Variants in CACNA1H observed in about 807,000 individuals in gnomAD.
The protein encoded by CACNA1H is calcium voltage-gated channel subunit alpha1 H.
A neutral mutation model predicts 192.5 loss-of-function variants in CACNA1H; 149 were observed. The ratio of observed to expected loss-of-function variants is 0.77; its 90% CI spans 0.68 to 0.89. The LOEUF is 0.89. CACNA1H is among the 40% of genes least tolerant of loss of function. CACNA1H has a pLI of 0.00. For synonymous variants in CACNA1H, 2,202 were observed against 1,475.2 expected, an observed-to-expected ratio of 1.49 and a Z score of -11.29; for missense variants, 4,257 against 3,423.5, an observed-to-expected ratio of 1.24 and a Z score of -6.08.
At chr16:1,155,679 G>C (rs191108910) in intron 2 of CACNA1H, among the ~76,000 whole-genome samples, 3 of 152,284 alleles carry the variant, frequency 2.0e-5, no homozygotes, top group Admixed American at 1.3e-4. Flanking sequence ...ACAGCCCCGG[G>C]CCTGGCTGTC....
At chr16:1,155,298 C>CCT (rs2151614626) in intron 2 of CACNA1H, among the ~76,000 whole-genome samples, 1 of 152,342 alleles carries the variant, frequency 6.6e-6, no homozygotes, top group African/African-American at 2.4e-5. Flanking sequence ...GCGGCCTAGG[C>CCT]CTCTGTAGCC....
chr16:1,172,001 G>A (rs1482776553), intron 2 of CACNA1H, among the ~76,000 whole-genome samples: 1 of 152,208 alleles, frequency 6.6e-6, no homozygotes, highest in Admixed American at 6.5e-5. Flanking sequence ...TGGGCCCCCC[G>A]CCAGGTGCTG....
At position 1,220,419 on chromosome 16, in the gene CACNA1H, G is replaced by C; in HGVS notation, c.6487G>C (p.Gly2163Arg). 2 of 1,530,320 alleles carry C rather than the reference G, an allele frequency of 1.3e-6. No homozygotes were observed. The highest frequency in any genetic ancestry group is 1.7e-6 in the Non-Finnish European group (2 of 1,147,818). The allele number at this position is 1,530,320 out of a possible 1,614,324, so 94.8% of individuals were successfully genotyped here. The change falls in exon 35 of 35, where the codon GGG (glycine) becomes CGG (arginine). Residue 2163 changes from glycine to arginine, a missense_variant. Physicochemically the swap from Gly to Arg is moderately radical, Grantham distance 125. Coordinates refer to ENST00000348261, the MANE Select transcript of CACNA1H (RefSeq NM_021098.3). ...GCGGCCCTCGGCGGAGCTGGGCAGC[G>C]GGGAGCCTGGGGAGGCGAAGGCCTG... ...QWRPSAELGS[G>R]EPGEAKAWGP...
At chr16:1,162,542 C>T (rs970941326) in intron 2 of CACNA1H, among the ~76,000 whole-genome samples, 1 of 151,746 alleles carries the variant, frequency 6.6e-6, no homozygotes, top group Non-Finnish European at 1.5e-5. Flanking sequence ...GTGGGTCATT[C>T]GGAGCCTCGG....
rs760673572 is a variant in CACNA1H, at chr16:1,213,877, C to G, written c.4875C>G (p.Phe1625Leu). 1 of 1,611,502 alleles carries G rather than the reference C, an allele frequency of 6.2e-7. No homozygotes were observed. The highest frequency in any genetic ancestry group is 2.2e-5 in the East Asian group (1 of 44,796). ...TSHYLDLFIT[F>L]IICVNVITMS... ...ACTATCTCGACCTCTTCATCACCTT[C>G]ATCATCTGTGTCAACGTCATCACCA... Residue 1625 changes from phenylalanine to leucine, a missense_variant, in exon 27 of 35, where the codon TTC becomes TTG. Transcript: ENST00000348261.
chr16:1,189,375 G>A (rs1267325638), intron 2 of CACNA1H, among the ~76,000 whole-genome samples: 2 of 146,342 alleles, frequency 1.4e-5, no homozygotes, highest in Non-Finnish European at 3.0e-5. Flanking sequence ...TGCTGGACCT[G>A]GCAGGTGCCC....
Position 1,211,184 on chromosome 16 carries a change from C to G in CACNA1H, c.4240C>G (p.Pro1414Ala), listed in dbSNP as rs765901364. The change falls in exon 22 of 35, where the codon CCG (proline) becomes GCG (alanine). Residue 1414 changes from proline (P) to alanine (A), a missense_variant. Transcript: ENST00000348261. ...CCCCTCCAGGGTCATCAGCCGGGCC[C>G]CGGGCCTCAAGCTGGTGGTGGAGAC... ...LRPLRVISRA[P>A]GLKLVVETLI... 3 of 1,612,924 alleles carry G rather than the reference C, an allele frequency of 1.9e-6. No homozygotes were observed. Among genetic ancestry groups the G allele is most frequent in the South Asian group, 1.1e-5 (1 of 91,086 alleles).
chr16:1,214,041 T>C, intron 27 of CACNA1H, 110 bp downstream of exon 27: 1 of 913,342 alleles, frequency 1.1e-6, no homozygotes. Flanking sequence ...CTCGCTGGGG[T>C]TTGCGTGGGG....
At chr16:1,207,496 A>G in intron 14 of CACNA1H, 66 bp downstream of exon 14, 3 of 1,486,964 alleles carry the variant, frequency 2.0e-6, no homozygotes, top group Non-Finnish European at 1.8e-6. Flanking sequence ...CTTCAGGTCG[A>G]GGGGAGGGGT....
chr16:1,217,868 C>T, intron 31 of CACNA1H, 51 bp from the exon 32 acceptor site: 1 of 1,542,072 alleles, frequency 6.5e-7, no homozygotes. Context: ...GCATGTCCCG[C>T]CTCCACCCGG....
At position 1,156,714 on chromosome 16, in the gene CACNA1H, A is replaced by G. The variant is rs944568986; in HGVS notation, c.299+2678A>G. On this transcript the variant is annotated intron_variant, in intron 2 of 34. Coordinates refer to ENST00000348261, the MANE Select transcript of CACNA1H (RefSeq NM_021098.3). ...AACCCACACTCAGTAAAGTGACTCCATGCTCCCGGGGGTTGGCAGAGCCCC... is the reference window on the plus strand; with the variant it reads ...AACCCACACTCAGTAAAGTGACTCCGTGCTCCCGGGGGTTGGCAGAGCCCC... 5.3e-5 allele frequency among the ~76,000 whole-genome samples: 8 copies of G among 152,164 alleles called. No homozygotes were observed. In the South Asian group the frequency reaches 6.2e-4, roughly 12 times the overall value.
Position 1,153,716 on chromosome 16 carries a change from G to A in CACNA1H, c.-18-4G>A. 2 of 1,201,374 alleles carry A rather than the reference G, an allele frequency of 1.7e-6. No homozygotes were observed. The highest frequency in any genetic ancestry group is 2.1e-6 in the Non-Finnish European group (2 of 968,852). The allele number at this position is 1,201,374 out of a possible 1,614,324, so 74.4% of individuals were successfully genotyped here. A position where few individuals can be genotyped will look rare whatever the true frequency, so the allele number is the denominator to read the frequency against. On this transcript the variant is annotated splice_polypyrimidine_tract_variant and splice_region_variant and intron_variant, in intron 1 of 34. Transcript: ENST00000348261. ...GGCCCCGGGTCACCCCCTGTCCTCT[G>A]CAGGTGCTGCCGGCCGCCACCATGA...
intron 30 of CACNA1H, among the ~76,000 whole-genome samples, chr16:1,216,084 C>T (rs1482380821): frequency 2.0e-5 from 3 of 152,186 alleles, no homozygotes; most frequent in South Asian, 2.1e-4. Flanking sequence ...CTCTAGTCCA[C>T]CTATCCAACC....
At position 1,204,240 on chromosome 16, in the gene CACNA1H, C is replaced by T. The variant is rs1207803966; in HGVS notation, c.2233C>T (p.Pro745Ser). 1 of 1,610,770 alleles carries T rather than the reference C, an allele frequency of 6.2e-7. No homozygotes were observed. The highest frequency in any genetic ancestry group is 1.7e-5 in the Admixed American group (1 of 59,830). The part of the protein sequence containing the change: ...RHGDRWDPTR[P>S]PRATDTPGPG... ...CGGTGACCGCTGGGACCCCACGCGA[C>T]CACCCCGTGCGACGGACACACCAGG... The change falls in exon 10 of 35, where the codon CCA (proline) becomes TCA (serine). Residue 745 changes from proline to serine, a missense_variant. Transcript: ENST00000348261.
chr16:1,217,994 C>T lies in CACNA1H; in HGVS notation c.5399C>T (p.Thr1800Met), dbSNP rs1339206468. 7.5e-6 allele frequency: 12 copies of T among 1,602,720 alleles called. No individual in the cohort carries two copies. The highest frequency in any genetic ancestry group is 1.1e-5 in the South Asian group (1 of 89,134). ...TFSNFGMAFL[T>M]LFRVSTGDNW... ...AGCAACTTCGGCATGGCCTTCCTCA[C>T]GCTGTTCCGCGTGTCCACGGGGGAC... The change falls in exon 32 of 35, where the codon ACG (threonine) becomes ATG (methionine). Residue 1800 changes from threonine to methionine, a missense_variant. Physicochemically the swap from Thr to Met is moderately conservative, Grantham distance 81. Transcript: ENST00000348261.
chr16:1,153,473 G>A lies in CACNA1H; in HGVS notation c.-19+3G>A, dbSNP rs999100392. On this transcript the variant is annotated splice_donor_region_variant and intron_variant, in intron 1 of 34. Transcript: ENST00000348261. Reference sequence around the variant, plus strand: ...ACGCCGCCGGCCAGCAGAGCGAGGTGAGACGCGGCGAGGACGCGCGCCCGG... The same window carrying A: ...ACGCCGCCGGCCAGCAGAGCGAGGTAAGACGCGGCGAGGACGCGCGCCCGG... 3 of 209,216 alleles carry A rather than the reference G, an allele frequency of 1.4e-5. No individual in the cohort carries two copies. Among genetic ancestry groups the A allele is most frequent in the Non-Finnish European group, 2.8e-5 (3 of 106,762 alleles). 13.0% of individuals were successfully genotyped at this position (209,216 alleles called of 1,614,324 possible). A position where few individuals can be genotyped will look rare whatever the true frequency, so the allele number is the denominator to read the frequency against.
At chr16:1,176,283 C>G (rs567230754) in intron 2 of CACNA1H, among the ~76,000 whole-genome samples, 14 of 152,342 alleles carry the variant, frequency 9.2e-5, no homozygotes, top group Admixed American at 9.1e-4. Flanking sequence ...GCATCTCACC[C>G]ACCACGGGAG....
At chr16:1,213,033 G>A (rs190881690) in intron 26 of CACNA1H, among the ~76,000 whole-genome samples, 2 of 152,242 alleles carry the variant, frequency 1.3e-5, no homozygotes, top group Non-Finnish European at 2.9e-5. Context: ...GCCTTCACCC[G>A]CGGGAGCTCC....
At position 1,215,226 on chromosome 16, in the gene CACNA1H, G is replaced by C. The variant is rs930079342; in HGVS notation, c.5040-16G>C. ...CGGGGACCCCAGACGTGTGCGCTGA[G>C]CCTCCGGCCACACAGGTGGAACCAG... is the stretch of plus-strand genomic sequence containing the variant. On this transcript the variant is annotated splice_polypyrimidine_tract_variant and intron_variant, in intron 28 of 34. Transcript: ENST00000348261. 2 of 1,596,504 alleles carry C rather than the reference G, an allele frequency of 1.3e-6. No homozygotes were observed. Among genetic ancestry groups the C allele is most frequent in the Non-Finnish European group, 1.7e-6 (2 of 1,171,204 alleles).
Sources: allele counts gnomAD v4.1 joint callset (sites outside exome capture counted in the v4.1 genomes callset), GRCh38; gene constraint gnomAD v4.1.1; transcripts MANE v1.5; gene names NCBI Gene and HGNC (gene_info 2026-07-23, HGNC 2026-07-21).